Variants in SCIN observed in about 807,000 individuals in gnomAD.
SCIN encodes adseverin.
A neutral mutation model predicts 91.8 loss-of-function variants in SCIN; 91 were observed. The observed-to-expected ratio is 0.99, with a 90% CI of 0.84 to 1.18. SCIN has a LOEUF of 1.18. Ranked by LOEUF, SCIN falls within the 50% of genes most tolerant of loss-of-function variation. The probability of loss-of-function intolerance (pLI) is 0.00; values close to 1 mark genes in which losing one functional copy is unlikely to be tolerated. For synonymous variants in SCIN, 367 were observed against 312.6 expected, an observed-to-expected ratio of 1.17 and a Z score of -1.84; for missense variants, 1,087 against 863.9, an observed-to-expected ratio of 1.26 and a Z score of -3.24.
In SCIN at chr7:12,626,062, T is replaced by C. The variant is rs982120233; in HGVS notation, c.981+212T>C. ...CTGCACATCAGACTTTCCATAGAGCTGCCCATTCACTTCCTCCACAGCCTT... is the reference window on the plus strand; with the variant it reads ...CTGCACATCAGACTTTCCATAGAGCCGCCCATTCACTTCCTCCACAGCCTT... On this transcript the variant is annotated intron_variant, in intron 7 of 15. Coordinates refer to ENST00000297029, the MANE Select transcript of SCIN (RefSeq NM_001112706.3). 19 of 502,004 alleles carry C rather than the reference T, an allele frequency of 3.8e-5. No individual in the cohort carries two copies. In the Middle Eastern group the frequency reaches 1.5e-3, roughly 39 times the overall value. The allele number at this position is 502,004 out of a possible 1,614,324, so 31.1% of individuals were successfully genotyped here.
intron 2 of SCIN, among the ~76,000 whole-genome samples, chr7:12,579,478 A>G (rs1382542354): frequency 6.6e-6 from 1 of 152,222 alleles, no homozygotes; most frequent in Admixed American, 6.5e-5. Context: ...CTGTGACACC[A>G]TCATAGTTAT....
chr7:12,577,897 C>T (rs915965616), intron 1 of SCIN, 167 bp from the exon 2 acceptor site: 6 of 605,770 alleles, frequency 9.9e-6, no homozygotes, highest in East Asian at 3.1e-5. Context: ...TAATTATTAG[C>T]AAAATAATGT....
chr7:12,587,659 C>T (rs573217704), intron 3 of SCIN, among the ~76,000 whole-genome samples: 1 of 152,308 alleles, frequency 6.6e-6, no homozygotes, highest in South Asian at 2.1e-4. Flanking sequence ...ACCAGTGCCC[C>T]TTGGCCCAGT....
At chr7:12,605,723 T>A (rs1360922387) in intron 4 of SCIN, among the ~76,000 whole-genome samples, 2 of 152,192 alleles carry the variant, frequency 1.3e-5, no homozygotes, top group Non-Finnish European at 2.9e-5. Flanking sequence ...ATGTTTGGAT[T>A]AGGGATGCTC....
At chr7:12,652,240 C>A (rs1326822843) in intron 15 of SCIN, among the ~76,000 whole-genome samples, 1 of 152,192 alleles carries the variant, frequency 6.6e-6, no homozygotes, top group African/African-American at 2.4e-5. Context: ...CTATGCTGTT[C>A]TTTCTGGCAC....
At chr7:12,616,294 C>T (rs1290969416) in intron 4 of SCIN, among the ~76,000 whole-genome samples, 2 of 151,996 alleles carry the variant, frequency 1.3e-5, no homozygotes, top group African/African-American at 4.8e-5. Context: ...GACTAGAGCC[C>T]TCATGAATAG....
intron 3 of SCIN, among the ~76,000 whole-genome samples, chr7:12,601,544 G>A (rs1244863892): frequency 6.6e-6 from 1 of 152,108 alleles, no homozygotes; most frequent in Admixed American, 6.5e-5. Flanking sequence ...CAGTGCAAAT[G>A]TATTATTAGC....
chr7:12,585,516 T>C (rs1395620412), intron 3 of SCIN, among the ~76,000 whole-genome samples: 1 of 152,194 alleles, frequency 6.6e-6, no homozygotes, highest in African/African-American at 2.4e-5. Context: ...TTGCCTGAGC[T>C]CCAAGTCAGT....
intron 4 of SCIN, 76 bp from the exon 5 acceptor site, chr7:12,622,725 A>G (rs1783433634): frequency 4.1e-6 from 4 of 973,804 alleles, no homozygotes; most frequent in South Asian, 2.7e-5. Context: ...CCATGTCTTT[A>G]TAAGTGTATT....
At position 12,578,085 on chromosome 7, in the gene SCIN, A is replaced by G. The variant is rs554264961; in HGVS notation, c.221A>G (p.Glu74Gly). The G allele has an allele frequency of 1.6e-5, 25 of 1,546,922 alleles. No homozygotes were observed. In the South Asian group the frequency reaches 2.8e-4, roughly 17 times the overall value. ...TTAGGAAAGGAGTGTTCCCAGGATG[A>G]AAGCACAGCTGCTGCCATCTTCACT... ...FWLGKECSQD[E>G]STAAAIFTVQ... The change falls in exon 2 of 16, where the codon GAA (glutamate) becomes GGA (glycine). Residue 74 changes from glutamate to glycine, a missense_variant. By Grantham distance (98) the Glu-to-Gly change is moderately conservative. Coordinates refer to ENST00000297029, the MANE Select transcript of SCIN (RefSeq NM_001112706.3).
In SCIN at chr7:12,655,269, G is replaced by T. The variant is rs931515367; in HGVS notation, c.*2554G>T. ...GTTTTTCCCCAAATAGTTTTGATCCGCAGATGTAGAACCCACAGATATGAT... is the reference window on the plus strand; with the variant it reads ...GTTTTTCCCCAAATAGTTTTGATCCTCAGATGTAGAACCCACAGATATGAT... On this transcript the variant is annotated 3_prime_UTR_variant, in exon 16 of 16. Transcript: ENST00000297029. The T allele has an allele frequency of 1.3e-5, 2 of 151,896 alleles. No individual in the cohort carries two copies. Among genetic ancestry groups the T allele is most frequent in the African/African-American group, 4.8e-5 (2 of 41,328 alleles). The allele number at this position is 151,896 out of a possible 1,614,324, so 9.4% of individuals were successfully genotyped here. A position where few individuals can be genotyped will look rare whatever the true frequency, so the allele number is the denominator to read the frequency against.
chr7:12,585,722 A>G (rs563252746), intron 3 of SCIN, among the ~76,000 whole-genome samples: 44 of 152,152 alleles, frequency 2.9e-4, no homozygotes, highest in African/African-American at 1.0e-3. Flanking sequence ...AGCCTGTTCC[A>G]CCTTCTAATT....
intron 6 of SCIN, 85 bp downstream of exon 6, chr7:12,625,227 A>G: frequency 8.2e-7 from 1 of 1,220,004 alleles, no homozygotes; most frequent in Non-Finnish European, 1.1e-6. Flanking sequence ...TTTTGATTTT[A>G]AAAAAAAGCC....
At chr7:12,594,642 G>A (rs956539477) in intron 3 of SCIN, among the ~76,000 whole-genome samples, 4 of 152,140 alleles carry the variant, frequency 2.6e-5, no homozygotes, top group African/African-American at 9.7e-5. Context: ...CACCCAAGGG[G>A]GGTGGTCTTG....
rs542271256 is a variant in SCIN at position 12,651,315 on chromosome 7, C to G, written c.1960-526C>G. ...CTCTCAGTTAATCTTCCCTAGATCCCGAAAAGGGAGGGCCTCAAAGAAAGT... is the reference window on the plus strand; with the variant it reads ...CTCTCAGTTAATCTTCCCTAGATCCGGAAAAGGGAGGGCCTCAAAGAAAGT... On this transcript the variant is annotated intron_variant, in intron 14 of 15. Coordinates refer to ENST00000297029, the MANE Select transcript of SCIN (RefSeq NM_001112706.3). This position sits in a 1 kb window ranked among gnomAD's most constrained non-coding sequence, Gnocchi z 5.9. 2.0e-4 allele frequency among the ~76,000 whole-genome samples: 31 copies of G among 152,158 alleles called. No homozygotes were observed. The highest frequency in any genetic ancestry group is 7.0e-4 in the African/African-American group (29 of 41,496).
Position 12,570,793 on chromosome 7 carries a change from C to T in SCIN, c.7C>T (p.Arg3Trp), listed in dbSNP as rs1432338739. Residue 3 changes from arginine (R) to tryptophan (W), a missense_variant, in exon 1 of 16, where the codon CGG becomes TGG. Physicochemically the swap from Arg to Trp is moderately radical, Grantham distance 101. Transcript: ENST00000297029. MARELYHEEFARA... is the reference protein window; with the variant it reads MAWELYHEEFARA... ...AGCATCGCGTGCAGGAGCCATGGCG[C>T]GGGAGCTATACCACGAAGAGTTCGC... 6.4e-7 allele frequency: 1 copy of T among 1,550,680 alleles called. No individual in the cohort carries two copies.
intron 11 of SCIN, among the ~76,000 whole-genome samples, chr7:12,640,896 C>A (rs958821240): frequency 6.6e-6 from 1 of 152,098 alleles, no homozygotes; most frequent in Non-Finnish European, 1.5e-5. Flanking sequence ...CCTCGTTTGC[C>A]CAAGTGTAAC....
At chr7:12,645,999 G>A in intron 13 of SCIN, among the ~76,000 whole-genome samples, 1 of 152,096 alleles carries the variant, frequency 6.6e-6, no homozygotes, top group Non-Finnish European at 1.5e-5. Flanking sequence ...CAATTTCCCA[G>A]CGGAGTAAAA....
At position 12,636,064 on chromosome 7, in the gene SCIN, C is replaced by G. The variant is rs371750806; in HGVS notation, c.1339C>G (p.Arg447Gly). 1.9e-6 allele frequency: 3 copies of G among 1,612,836 alleles called. No homozygotes were observed. Among genetic ancestry groups the G allele is most frequent in the South Asian group, 1.1e-5 (1 of 90,690 alleles). Residue 447 changes from arginine (R) to glycine (G), a missense_variant, in exon 10 of 16, where the codon CGA becomes GGA. Physicochemically the swap from Arg to Gly is moderately radical, Grantham distance 125 (BLOSUM62 -2). Coordinates refer to ENST00000297029, the MANE Select transcript of SCIN (RefSeq NM_001112706.3). ...IYTWQGANAT[R>G]DELTTSAFLT... ...CTCTAGGCAAGGAGCAAATGCCACA[C>G]GAGATGAGCTGACAACATCTGCGTT...
Sources: allele counts gnomAD v4.1 joint callset (sites outside exome capture counted in the v4.1 genomes callset), GRCh38; gene constraint gnomAD v4.1.1; non-coding constraint Gnocchi (gnomAD v3.1); transcripts MANE v1.5; gene names NCBI Gene and HGNC (gene_info 2026-07-23, HGNC 2026-07-21).